Variants in ALMS1 observed in about 807,000 individuals in gnomAD.
ALMS1 encodes the protein centrosome-associated protein ALMS1.
ALMS1 carries 271 observed loss-of-function variants against 352.2 expected under a neutral mutation model. The observed-to-expected ratio is 0.77, with a 90% CI of 0.70 to 0.85. The LOEUF is 0.85. ALMS1 is among the 40% of genes least tolerant of loss of function. The pLI, the probability that ALMS1 is intolerant of heterozygous loss-of-function variation, is 0.00. For missense variants in ALMS1, 5,445 were observed against 4,870.7 expected (o/e 1.12, Z -3.51); for synonymous variants, 1,865 against 1,761.2 (o/e 1.06, Z -1.48).
intron 16 of ALMS1, among the ~76,000 whole-genome samples, chr2:73,581,772 G>A (rs929434529): frequency 1.3e-5 from 2 of 148,800 alleles, no homozygotes; most frequent in African/African-American, 5.0e-5. Context: ...TTTTTGAGAC[G>A]TAGTCTCTAT....
chr2:73,509,849 A>C (rs964664600), intron 10 of ALMS1, among the ~76,000 whole-genome samples: 2 of 152,174 alleles, frequency 1.3e-5, no homozygotes, highest in Admixed American at 6.6e-5. Context: ...TATCCTGCAG[A>C]GTGTTTTCCA....
chr2:73,604,675 A>C (rs1453474270), intron 21 of ALMS1, among the ~76,000 whole-genome samples: 1 of 152,212 alleles, frequency 6.6e-6, no homozygotes, highest in Non-Finnish European at 1.5e-5. Flanking sequence ...GCTTTAGTCC[A>C]GTGGTTCTCA....
At chr2:73,459,050 T>C (rs1206066522) in intron 9 of ALMS1, 2 of 152,232 alleles carry the variant, frequency 1.3e-5, no homozygotes, top group Non-Finnish European at 2.9e-5. Flanking sequence ...ACTTCAGTGT[T>C]TGTCATGTTT....
At chr2:73,528,494 A>T (rs905878443) in intron 11 of ALMS1, among the ~76,000 whole-genome samples, 1 of 152,074 alleles carries the variant, frequency 6.6e-6, no homozygotes, top group Non-Finnish European at 1.5e-5. Flanking sequence ...GTCTGTTTTT[A>T]TAATTTTTGT....
rs532915244 is a variant in ALMS1, at chr2:73,541,104, G to C, written c.9907+6155G>C. Among the ~76,000 whole-genome samples, 7 of 152,206 alleles carry C rather than the reference G, an allele frequency of 4.6e-5. No homozygotes were observed. The South Asian group carries it at 1.2e-3, about 27-fold the overall frequency. ...GTACCATACCACACCTATTCCAAAA[G>C]TGACCACATAGTTGGAAGTAAAGCA... is the stretch of plus-strand genomic sequence containing the variant. On this transcript the variant is annotated intron_variant, in intron 12 of 22. Coordinates refer to ENST00000613296, the MANE Select transcript of ALMS1 (RefSeq NM_001378454.1).
intron 10 of ALMS1, among the ~76,000 whole-genome samples, chr2:73,504,872 T>G (rs1673289650): frequency 6.6e-6 from 1 of 152,232 alleles, no homozygotes. Context: ...TAATGTTATC[T>G]CTCCCCTTGC....
intron 9 of ALMS1, among the ~76,000 whole-genome samples, chr2:73,464,484 A>G (rs1179092557): frequency 6.6e-6 from 1 of 152,216 alleles, no homozygotes; most frequent in Non-Finnish European, 1.5e-5. Context: ...CCCACAGCCA[A>G]TATCATACCG....
At position 73,599,640 on chromosome 2, in the gene ALMS1, A is replaced by G. The variant is rs11901974; in HGVS notation, c.11668+119A>G. ...AAGATAAAACTATATCCAACTGCCA[A>G]TTTTCATCTTGTCAGATTGGCATAA... On this transcript the variant is annotated intron_variant, in intron 17 of 22. Coordinates refer to ENST00000613296, the MANE Select transcript of ALMS1 (RefSeq NM_001378454.1). 5.4e-3 allele frequency: 6,607 copies of G among 1,234,436 alleles called. 264 individuals are homozygous for G. In the African/African-American group the frequency reaches 0.086, roughly 16 times the overall value. 76.5% of individuals were successfully genotyped at this position (1,234,436 alleles called of 1,614,324 possible).
chr2:73,574,644 A>T (rs1675014743), intron 16 of ALMS1, among the ~76,000 whole-genome samples: 1 of 152,260 alleles, frequency 6.6e-6, no homozygotes, highest in Admixed American at 6.5e-5. Flanking sequence ...TATATAAATA[A>T]TAGAGTATGC....
chr2:73,536,290 A>G (rs777497160), intron 12 of ALMS1, among the ~76,000 whole-genome samples: 1 of 152,212 alleles, frequency 6.6e-6, no homozygotes, highest in Non-Finnish European at 1.5e-5. Flanking sequence ...GTGTCCTGCT[A>G]TCGATATACG....
chr2:73,530,591 G>A (rs933373815), intron 11 of ALMS1, among the ~76,000 whole-genome samples: 2 of 152,204 alleles, frequency 1.3e-5, no homozygotes, highest in African/African-American at 4.8e-5. Context: ...AGGTCTAGAG[G>A]ATGGTGGCCC....
At chr2:73,577,585 G>A (rs1420189408) in intron 16 of ALMS1, among the ~76,000 whole-genome samples, 1 of 151,866 alleles carries the variant, frequency 6.6e-6, no homozygotes, top group Non-Finnish European at 1.5e-5. Flanking sequence ...TTGTAGATAA[G>A]TTCTGCCTTC....
chr2:73,389,964 G>C (rs1013165360), intron 1 of ALMS1, among the ~76,000 whole-genome samples: 13 of 152,260 alleles, frequency 8.5e-5, no homozygotes, highest in African/African-American at 3.1e-4. Context: ...TGGGATTAGA[G>C]GCATGAGCCA....
At chr2:73,552,193 A>G (rs1470861400) in intron 13 of ALMS1, among the ~76,000 whole-genome samples, 1 of 152,190 alleles carries the variant, frequency 6.6e-6, no homozygotes, top group Non-Finnish European at 1.5e-5. Flanking sequence ...TCCTAAAGCT[A>G]TCCCTCCATT....
At chr2:73,540,607 G>A (rs533596040) in intron 12 of ALMS1, among the ~76,000 whole-genome samples, 44 of 152,258 alleles carry the variant, frequency 2.9e-4, no homozygotes, top group South Asian at 1.7e-3. Context: ...AGACCCATCC[G>A]TGTGCTGTAT....
chr2:73,586,226 T>C (rs2104146855), intron 16 of ALMS1, among the ~76,000 whole-genome samples: 1 of 152,320 alleles, frequency 6.6e-6, no homozygotes, highest in African/African-American at 2.4e-5. Context: ...TGTGGGTTGT[T>C]TGCTGATTAT....
intron 2 of ALMS1, among the ~76,000 whole-genome samples, chr2:73,417,137 A>C (rs1259639730): frequency 6.6e-6 from 1 of 152,176 alleles, no homozygotes; most frequent in Non-Finnish European, 1.5e-5. Context: ...AAACGTGGTA[A>C]AGAGAAAAAC....
intron 9 of ALMS1, chr2:73,459,015 G>A (rs1343377253): frequency 6.6e-6 from 1 of 152,122 alleles, no homozygotes. Context: ...AGATATTAAT[G>A]TTGATGAAAA....
intron 2 of ALMS1, among the ~76,000 whole-genome samples, chr2:73,417,942 G>A (rs567783863): frequency 6.6e-6 from 1 of 152,320 alleles, no homozygotes; most frequent in East Asian, 1.9e-4. Flanking sequence ...TGATTTGCTT[G>A]TTACTGGTCT....
Sources: gnomAD v4.1 joint callset for allele counts (sites outside exome capture counted in the v4.1 genomes callset) on GRCh38, gnomAD v4.1.1 for gene constraint, MANE v1.5 for transcripts, NCBI Gene and HGNC (gene_info 2026-07-23, HGNC 2026-07-21) for gene names.